KHDRBS2: variants seen among roughly 807,000 people sequenced by gnomAD.
KHDRBS2 encodes KH RNA binding domain containing, signal transduction associated 2.
Under a neutral mutation model 44.3 loss-of-function variants are expected in KHDRBS2, and 26 were observed. The observed-to-expected ratio is 0.59, with a 90% CI of 0.43 to 0.81. The LOEUF (loss-of-function observed/expected upper bound fraction) is 0.81. Ranked by LOEUF, KHDRBS2 falls within the 40% of genes least tolerant of loss-of-function variation. The probability of loss-of-function intolerance (pLI) is 0.00; values close to 1 mark genes in which losing one functional copy is unlikely to be tolerated. For synonymous variants in KHDRBS2, 194 were observed against 151.1 expected, an observed-to-expected ratio of 1.28 and a Z score of -2.08; for missense variants, 476 against 433.1, an observed-to-expected ratio of 1.10 and a Z score of -0.88.
At chr6:62,151,803 T>C (rs1231452372) in intron 2 of KHDRBS2, among the ~76,000 whole-genome samples, 1 of 152,152 alleles carries the variant, frequency 6.6e-6, no homozygotes, top group East Asian at 1.9e-4. Flanking sequence ...TGGTGAATAA[T>C]TTCAAATAAA....
At chr6:61,792,879 G>T (rs1017944825) in intron 6 of KHDRBS2, among the ~76,000 whole-genome samples, 1 of 151,844 alleles carries the variant, frequency 6.6e-6, no homozygotes, top group Non-Finnish European at 1.5e-5. Flanking sequence ...AATTCTAAAA[G>T]GTTTGTGGCT....
At chr6:62,150,704 G>A (rs957238023) in intron 2 of KHDRBS2, among the ~76,000 whole-genome samples, 3 of 152,164 alleles carry the variant, frequency 2.0e-5, no homozygotes, top group African/African-American at 7.2e-5. Context: ...CACTTATTTG[G>A]GTGTGTTCTC....
downstream of KHDRBS2, among the ~76,000 whole-genome samples, chr6:61,674,964 C>T (rs1027554364): frequency 2.6e-5 from 4 of 151,594 alleles, no homozygotes; most frequent in Admixed American, 2.0e-4. Flanking sequence ...CTAATATGTT[C>T]GTATAATTTG....
At chr6:62,107,581 T>A (rs968032781) in intron 2 of KHDRBS2, among the ~76,000 whole-genome samples, 14 of 152,036 alleles carry the variant, frequency 9.2e-5, no homozygotes, top group African/African-American at 3.1e-4. Flanking sequence ...TTCACAGAAT[T>A]GGAAAAAAAT....
intron 6 of KHDRBS2, among the ~76,000 whole-genome samples, chr6:61,774,683 T>C (rs922258099): frequency 1.3e-5 from 2 of 152,116 alleles, no homozygotes; most frequent in African/African-American, 2.4e-5. Context: ...GAGGACCAGA[T>C]GGATTCACAG....
chr6:62,239,344 G>T (rs1333557020), intron 1 of KHDRBS2, among the ~76,000 whole-genome samples: 1 of 152,142 alleles, frequency 6.6e-6, no homozygotes, highest in Non-Finnish European at 1.5e-5. Flanking sequence ...AGGCCGAGGA[G>T]GGTGGATCAT....
chr6:62,000,608 G>A (rs1778056774), intron 3 of KHDRBS2, among the ~76,000 whole-genome samples: 1 of 152,136 alleles, frequency 6.6e-6, no homozygotes, highest in African/African-American at 2.4e-5. Flanking sequence ...CTTTACAGAT[G>A]TCCAGTAAAA....
At position 61,965,823 on chromosome 6, in the gene KHDRBS2, A is replaced by G. The variant is rs181443746; in HGVS notation, c.483+12243T>C. Among the ~76,000 whole-genome samples, 895 of 152,134 alleles carry G rather than the reference A, an allele frequency of 5.9e-3. 3 individuals carry two copies. Among genetic ancestry groups the G allele is most frequent in the Non-Finnish European group, 8.9e-3 (607 of 67,972 alleles). On this transcript the variant is annotated intron_variant, in intron 4 of 8. Transcript: ENST00000281156. ...TGATATTTTGATGAATAATGTTTAGAAAGTCACTTAAATTGGAAGGAGACG... is the reference window on the plus strand; with the variant it reads ...TGATATTTTGATGAATAATGTTTAGGAAGTCACTTAAATTGGAAGGAGACG...
intron 2 of KHDRBS2, among the ~76,000 whole-genome samples, chr6:62,152,273 C>T (rs1815372872): frequency 6.6e-6 from 1 of 152,056 alleles, no homozygotes; most frequent in East Asian, 1.9e-4. Flanking sequence ...GAGCTGAGAT[C>T]GTGCCACTGC....
At chr6:62,016,680 G>A (rs1042189386) in intron 3 of KHDRBS2, among the ~76,000 whole-genome samples, 5 of 150,984 alleles carry the variant, frequency 3.3e-5, no homozygotes, top group African/African-American at 4.8e-5. Context: ...GATCGAGAGT[G>A]ACATTTAAAG....
In KHDRBS2 at chr6:62,214,067, G is replaced by A. The variant is rs551320750; in HGVS notation, c.92-36755C>T. The stretch of plus-strand genomic sequence containing the variant: ...TATTTTATCCATGGCAAATTGAACA[G>A]CTTTATCTTCTATCTCTTGCAGGTC... On this transcript the variant is annotated intron_variant, in intron 1 of 8. Coordinates refer to ENST00000281156, the MANE Select transcript of KHDRBS2 (RefSeq NM_152688.4). 1.2e-4 allele frequency among the ~76,000 whole-genome samples: 19 copies of A among 152,074 alleles called. No individual in the cohort carries two copies. In the South Asian group the frequency reaches 3.9e-3, roughly 32 times the overall value.
rs143289468 is a variant in KHDRBS2 at position 62,162,002 on chromosome 6, C to T, written c.219+15183G>A. On this transcript the variant is annotated intron_variant, in intron 2 of 8. Transcript: ENST00000281156. ...ACATAAACTAATAATTATTTAAGTA[C>T]ACTAATCTCTTTAATTATATAGTAA... 8.4e-3 allele frequency among the ~76,000 whole-genome samples: 1,279 copies of T among 151,992 alleles called. 20 individuals carry two copies. Among genetic ancestry groups the T allele is most frequent in the African/African-American group, 0.028 (1,172 of 41,478 alleles).
chr6:62,261,596 T>G (rs372101696), intron 1 of KHDRBS2, among the ~76,000 whole-genome samples: 17 of 151,858 alleles, frequency 1.1e-4, no homozygotes, highest in African/African-American at 3.9e-4. Context: ...AGTGGCAGCA[T>G]TAGCCAGCAA....
intron 4 of KHDRBS2, among the ~76,000 whole-genome samples, chr6:61,963,697 C>G (rs1769267687): frequency 6.6e-6 from 1 of 151,962 alleles, no homozygotes; most frequent in Admixed American, 6.6e-5. Flanking sequence ...AAGGAAAGTT[C>G]CCTAATACAG....
intron 3 of KHDRBS2, among the ~76,000 whole-genome samples, chr6:62,019,804 A>C (rs1229879170): frequency 1.3e-5 from 2 of 151,770 alleles, no homozygotes; most frequent in East Asian, 3.9e-4. Flanking sequence ...CTTGATATTG[A>C]GAATTTATTT....
intron 6 of KHDRBS2, among the ~76,000 whole-genome samples, chr6:61,761,419 T>C (rs1562112995): frequency 1.3e-5 from 2 of 152,224 alleles, no homozygotes; most frequent in African/African-American, 4.8e-5. Flanking sequence ...TATAATAATA[T>C]GCTGGTGATA....
At chr6:62,160,925 T>A (rs1304570461) in intron 2 of KHDRBS2, among the ~76,000 whole-genome samples, 2 of 152,150 alleles carry the variant, frequency 1.3e-5, no homozygotes, top group Non-Finnish European at 2.9e-5. Flanking sequence ...TCTCCATAAC[T>A]CTTTTTATCC....
At chr6:61,772,295 C>G (rs1781058782) in intron 6 of KHDRBS2, among the ~76,000 whole-genome samples, 1 of 152,054 alleles carries the variant, frequency 6.6e-6, no homozygotes, top group South Asian at 2.1e-4. Flanking sequence ...CAAAAGCTAG[C>G]AGAAGGCAAG....
At chr6:61,833,946 A>G (rs2127264855) in intron 6 of KHDRBS2, among the ~76,000 whole-genome samples, 1 of 152,222 alleles carries the variant, frequency 6.6e-6, no homozygotes. Flanking sequence ...GTTTCTATGC[A>G]ACAGCCAGAA....
Sources: gnomAD v4.1 joint callset for allele counts (sites outside exome capture counted in the v4.1 genomes callset) on GRCh38, gnomAD v4.1.1 for gene constraint, MANE v1.5 for transcripts, NCBI Gene and HGNC (gene_info 2026-07-23, HGNC 2026-07-21) for gene names.